Variants in LHFPL3 observed in about 807,000 individuals in gnomAD.
The protein encoded by LHFPL3 is LHFPL tetraspan subfamily member 3 protein.
Under a neutral mutation model 19.3 loss-of-function variants are expected in LHFPL3, and 5 were observed. That is an observed-to-expected ratio of 0.26 (90% CI 0.14 to 0.54). The LOEUF (loss-of-function observed/expected upper bound fraction) is 0.54, where lower values mean the gene tolerates loss of function less well. Ranked by LOEUF, LHFPL3 falls within the 20% of genes least tolerant of loss-of-function variation. The pLI is 0.94. For missense variants in LHFPL3, 249 were observed against 307.4 expected (o/e 0.81, Z 1.42); for synonymous variants, 133 against 126.2 (o/e 1.05, Z -0.36).
At chr7:104,394,952 G>C (rs1791153187) in intron 1 of LHFPL3, among the ~76,000 whole-genome samples, 1 of 151,942 alleles carries the variant, frequency 6.6e-6, no homozygotes, top group Admixed American at 6.6e-5. Context: ...ACCCACCTCG[G>C]CCTCCCAAAC....
intron 2 of LHFPL3, among the ~76,000 whole-genome samples, chr7:104,825,735 C>T (rs1380369344): frequency 6.6e-6 from 1 of 151,882 alleles, no homozygotes; most frequent in African/African-American, 2.4e-5. Flanking sequence ...ATGTGGCTTC[C>T]ATCCTCAAGA....
At chr7:104,486,467 T>C (rs556404351) in intron 1 of LHFPL3, among the ~76,000 whole-genome samples, 7 of 152,216 alleles carry the variant, frequency 4.6e-5, no homozygotes, top group Non-Finnish European at 1.0e-4. Flanking sequence ...CAGTGTGTGA[T>C]GAGGGCCCAC....
chr7:104,753,578 C>A, intron 2 of LHFPL3, among the ~76,000 whole-genome samples: 1 of 151,604 alleles, frequency 6.6e-6, no homozygotes. Context: ...TTGAAAACAT[C>A]AAAATAGGAC....
At chr7:104,589,323 G>T (rs1360950727) in intron 1 of LHFPL3, among the ~76,000 whole-genome samples, 3 of 152,094 alleles carry the variant, frequency 2.0e-5, no homozygotes, top group Non-Finnish European at 4.4e-5. Flanking sequence ...TAGCATGAAG[G>T]GCTGTTGAAT....
In LHFPL3 at chr7:104,766,380, A is replaced by G. The variant is rs139570584; in HGVS notation, c.682+29469A>G. On this transcript the variant is annotated intron_variant, in intron 2 of 2. Transcript: ENST00000424859. ...GTCCAGCCACTAGGGACATGAACCA[A>G]TAGCAAAGAGGATCTTTCACTTGGA... Among the ~76,000 whole-genome samples the G allele has an allele frequency of 3.7e-4, 56 of 152,330 alleles. No homozygotes were observed. The East Asian group carries it at 9.5e-3, about 26-fold the overall frequency.
rs1488186251 is a variant in LHFPL3 at position 104,678,000 on chromosome 7, T to C, written c.446-58675T>C. On this transcript the variant is annotated intron_variant, in intron 1 of 2. Transcript: ENST00000424859. ...TAGAGGAAGAGTCACCAGACCTTGT[T>C]TGATGCAAGAACTCTGGATTACACA... is the stretch of plus-strand genomic sequence containing the variant. 2.0e-5 allele frequency among the ~76,000 whole-genome samples: 3 copies of C among 152,182 alleles called. No homozygotes were observed. In the South Asian group the frequency reaches 6.2e-4, roughly 32 times the overall value.
intron 1 of LHFPL3, among the ~76,000 whole-genome samples, chr7:104,575,625 G>A (rs956343848): frequency 6.8e-6 from 1 of 147,780 alleles, no homozygotes; most frequent in Non-Finnish European, 1.5e-5. Flanking sequence ...CCAATGGTGG[G>A]CTTCTTTGCT....
At position 104,503,230 on chromosome 7, in the gene LHFPL3, T is replaced by C. The variant is rs545284424; in HGVS notation, c.445+174006T>C. Among the ~76,000 whole-genome samples the C allele has an allele frequency of 7.2e-5, 11 of 152,246 alleles. No homozygotes were observed. The South Asian group carries it at 2.1e-3, about 29-fold the overall frequency. ...AAAGATGTTCACATATAATTTTAAG[T>C]ATAAAGCAGGTTAAAAAGCAGAATG... On this transcript the variant is annotated intron_variant, in intron 1 of 2. Transcript: ENST00000424859.
In LHFPL3 at chr7:104,408,849, G is replaced by GTTGTAAT. The variant is rs144056933; in HGVS notation, c.445+79628_445+79634dup. 6.1e-3 allele frequency among the ~76,000 whole-genome samples: 774 copies of GTTGTAAT among 127,564 alleles called. 5 individuals are homozygous for GTTGTAAT. The highest frequency in any genetic ancestry group is 0.022 in the African/African-American group (743 of 33,542). 83.7% of individuals were successfully genotyped at this position (127,564 alleles called of 152,430 possible). A position where few individuals can be genotyped will look rare whatever the true frequency, so the allele number is the denominator to read the frequency against. ...GCAGAGGAAGAGTGGAGGCACTAGTGTTGTAATTTTCTTTCTTTTTTTTTT... is the reference window on the plus strand; with the variant it reads ...GCAGAGGAAGAGTGGAGGCACTAGTGTTGTAATTTGTAATTTTCTTTCTTTTTTTTTT... On this transcript the variant is annotated intron_variant, in intron 1 of 2. Coordinates refer to ENST00000424859, the MANE Select transcript of LHFPL3 (RefSeq NM_199000.3).
At chr7:104,806,632 A>G (rs1790366522) in intron 2 of LHFPL3, among the ~76,000 whole-genome samples, 1 of 152,240 alleles carries the variant, frequency 6.6e-6, no homozygotes, top group South Asian at 2.1e-4. Context: ...AACATGAAAA[A>G]AAAAATCCTG....
At chr7:104,529,893 G>A (rs1419536118) in intron 1 of LHFPL3, among the ~76,000 whole-genome samples, 1 of 152,164 alleles carries the variant, frequency 6.6e-6, no homozygotes, top group Admixed American at 6.5e-5. Context: ...AGAGATGCAG[G>A]TAAAATGAGT....
At chr7:104,772,436 C>A (rs1794569709) in intron 2 of LHFPL3, among the ~76,000 whole-genome samples, 1 of 152,132 alleles carries the variant, frequency 6.6e-6, no homozygotes, top group South Asian at 2.1e-4. Context: ...CCATGCAGCC[C>A]CTACGGTGTG....
chr7:104,558,275 A>G (rs1359612262), intron 1 of LHFPL3, among the ~76,000 whole-genome samples: 2 of 150,326 alleles, frequency 1.3e-5, no homozygotes, highest in Non-Finnish European at 3.0e-5. Flanking sequence ...CAATGGTTGA[A>G]CTAGTTTACA....
chr7:104,640,679 G>A (rs908761187), intron 1 of LHFPL3, among the ~76,000 whole-genome samples: 2 of 152,060 alleles, frequency 1.3e-5, no homozygotes, highest in South Asian at 2.1e-4. Flanking sequence ...TTTAATGATC[G>A]CCGTTCTAAC....
chr7:104,870,123 GGA>G (rs1254116814), intron 2 of LHFPL3, among the ~76,000 whole-genome samples: 1 of 152,100 alleles, frequency 6.6e-6, no homozygotes, highest in Non-Finnish European at 1.5e-5. Context: ...GATAGCATTT[GGA>G]GATATACCTA....
chr7:104,396,575 T>C (rs1791188810), intron 1 of LHFPL3, among the ~76,000 whole-genome samples: 1 of 151,824 alleles, frequency 6.6e-6, no homozygotes, highest in African/African-American at 2.4e-5. Flanking sequence ...AGGCATCCTC[T>C]TTTCTCCAGC....
intron 1 of LHFPL3, among the ~76,000 whole-genome samples, chr7:104,701,360 C>T (rs4496900): frequency 0.36 from 54,855 of 151,860 alleles, 10,084 homozygotes; most frequent in East Asian, 0.53. Context: ...TTACAACTCC[C>T]CCAAAAGTTA....
chr7:104,631,201 G>T (rs1268522578), intron 1 of LHFPL3, among the ~76,000 whole-genome samples: 1 of 152,160 alleles, frequency 6.6e-6, no homozygotes, highest in Non-Finnish European at 1.5e-5. Flanking sequence ...TGCAGAGCAG[G>T]CAATGAAGTA....
chr7:104,519,440 T>G (rs917156692), intron 1 of LHFPL3, among the ~76,000 whole-genome samples: 4 of 152,188 alleles, frequency 2.6e-5, no homozygotes, highest in African/African-American at 9.6e-5. Flanking sequence ...CTTTTTAAAC[T>G]TAAATGATGA....
Sources: allele counts gnomAD v4.1 joint callset (sites outside exome capture counted in the v4.1 genomes callset), GRCh38; gene constraint gnomAD v4.1.1; transcripts MANE v1.5; gene names NCBI Gene and HGNC (gene_info 2026-07-23, HGNC 2026-07-21).